ADGRB3: variants seen among roughly 807,000 people sequenced by gnomAD.
The protein encoded by ADGRB3 is brain-specific angiogenesis inhibitor 3.
A neutral mutation model predicts 193.4 loss-of-function variants in ADGRB3; 37 were observed. That is an observed-to-expected ratio of 0.19 (90% CI 0.15 to 0.25). The LOEUF (loss-of-function observed/expected upper bound fraction) is 0.25, where lower values mean the gene tolerates loss of function less well. Ranked by LOEUF, ADGRB3 falls within the 10% of genes least tolerant of loss-of-function variation. The probability of loss-of-function intolerance (pLI) is 1.00; values close to 1 mark genes in which losing one functional copy is unlikely to be tolerated. For missense variants in ADGRB3, 1,637 were observed against 1,852.9 expected (o/e 0.88, Z 2.14); for synonymous variants, 690 against 644.2 (o/e 1.07, Z -1.08).
intron 3 of ADGRB3, among the ~76,000 whole-genome samples, chr6:68,750,953 T>C (rs1766186266): frequency 6.6e-6 from 1 of 152,212 alleles, no homozygotes; most frequent in Non-Finnish European, 1.5e-5. Flanking sequence ...CTTACCTTTT[T>C]TGCCCATCTG....
chr6:69,212,155 C>T lies in ADGRB3; in HGVS notation c.2481-21135C>T, dbSNP rs72911184. On this transcript the variant is annotated intron_variant, in intron 17 of 31. Transcript: ENST00000370598. ...AAGGTTACTGTAACCTCACTTTGAA[C>T]AGTACAGCATTCGAAAAAACATCAA... Among the ~76,000 whole-genome samples, 372 of 152,232 alleles carry T rather than the reference C, an allele frequency of 2.4e-3. 1 individual carries two copies. Among genetic ancestry groups the T allele is most frequent in the Admixed American group, 5.6e-3 (85 of 15,296 alleles).
chr6:69,312,402 A>T (rs1191850557), intron 20 of ADGRB3, among the ~76,000 whole-genome samples: 1 of 151,766 alleles, frequency 6.6e-6, no homozygotes, highest in Non-Finnish European at 1.5e-5. Context: ...GAGGTTGGAT[A>T]GCTCAGAGAT....
chr6:69,052,479 G>A (rs1442658256), intron 15 of ADGRB3, among the ~76,000 whole-genome samples: 1 of 152,142 alleles, frequency 6.6e-6, no homozygotes, highest in African/African-American at 2.4e-5. Context: ...AGCCACGTTT[G>A]TTATACACAG....
intron 6 of ADGRB3, among the ~76,000 whole-genome samples, chr6:68,953,940 ACTGAT>A (rs1412237333): frequency 6.6e-6 from 1 of 152,220 alleles, no homozygotes; most frequent in Non-Finnish European, 1.5e-5. Flanking sequence ...AGAACAATGA[ACTGAT>A]CTTGGAAAAA....
intron 3 of ADGRB3, among the ~76,000 whole-genome samples, chr6:68,747,119 G>A (rs1250243173): frequency 6.6e-6 from 1 of 152,130 alleles, no homozygotes; most frequent in Non-Finnish European, 1.5e-5. Context: ...ATAATCACAT[G>A]TAATGCATGA....
chr6:68,831,324 AAG>A (rs910555453), intron 3 of ADGRB3, among the ~76,000 whole-genome samples: 1 of 141,244 alleles, frequency 7.1e-6, no homozygotes, highest in Non-Finnish European at 1.5e-5. Flanking sequence ...AAAAAAAAAA[AAG>A]CTGATTTTAC....
intron 17 of ADGRB3, among the ~76,000 whole-genome samples, chr6:69,223,551 A>C (rs1342202545): frequency 6.6e-6 from 1 of 151,960 alleles, no homozygotes; most frequent in African/African-American, 2.4e-5. Context: ...CATAATTATA[A>C]TTTCAAAAGT....
At chr6:68,807,330 C>T (rs145624678) in intron 3 of ADGRB3, among the ~76,000 whole-genome samples, 3,967 of 149,204 alleles carry the variant, frequency 0.027, 83 homozygotes, top group African/African-American at 0.051. Flanking sequence ...CTCCGCCCCG[C>T]GGGGTTCACG....
chr6:69,325,176 T>C (rs191437503), intron 21 of ADGRB3, among the ~76,000 whole-genome samples, 154 bp downstream of exon 21: 1 of 152,206 alleles, frequency 6.6e-6, no homozygotes, highest in East Asian at 1.9e-4. Context: ...GAACATTCAT[T>C]GGTCATTTGG....
intron 3 of ADGRB3, among the ~76,000 whole-genome samples, chr6:68,677,226 C>G (rs962405796): frequency 6.6e-6 from 1 of 152,158 alleles, no homozygotes; most frequent in Admixed American, 6.5e-5. Context: ...ACTGAAAGTT[C>G]ATTCTTCATG....
At position 69,054,538 on chromosome 6, in the gene ADGRB3, G is replaced by A. The variant is rs912685892; in HGVS notation, c.2333+5192G>A. Among the ~76,000 whole-genome samples the A allele has an allele frequency of 3.9e-4, 59 of 152,018 alleles. 1 individual carries two copies. Among genetic ancestry groups the A allele is most frequent in the East Asian group, 5.8e-4 (3 of 5,184 alleles). ...CAATGGAATATTCTAGTTTTGTGAC[G>A]TTCTGTACCTTTTTAGAATGTCTTC... On this transcript the variant is annotated intron_variant, in intron 15 of 31. Transcript: ENST00000370598.
intron 26 of ADGRB3, among the ~76,000 whole-genome samples, chr6:69,350,182 C>T (rs897383807): frequency 2.0e-5 from 3 of 152,156 alleles, no homozygotes; most frequent in Non-Finnish European, 4.4e-5. Context: ...TAGAGCAACC[C>T]CCAGCAGGAG....
chr6:68,961,725 C>A (rs1768239348), intron 8 of ADGRB3, among the ~76,000 whole-genome samples: 1 of 152,136 alleles, frequency 6.6e-6, no homozygotes, highest in African/African-American at 2.4e-5. Context: ...ATACACTACT[C>A]CATAATGAAA....
intron 3 of ADGRB3, among the ~76,000 whole-genome samples, chr6:68,825,603 C>T (rs1767828048): frequency 6.6e-6 from 1 of 152,074 alleles, no homozygotes; most frequent in South Asian, 2.1e-4. Context: ...CCTATAATCC[C>T]CATAATCCCT....
intron 11 of ADGRB3, among the ~76,000 whole-genome samples, chr6:69,011,898 C>A (rs539067616): frequency 9.9e-5 from 15 of 152,090 alleles, no homozygotes; most frequent in African/African-American, 3.6e-4. Flanking sequence ...AAAGTCTAAT[C>A]AATAGTGAGA....
intron 13 of ADGRB3, among the ~76,000 whole-genome samples, chr6:69,037,517 G>A (rs1770907980): frequency 6.6e-6 from 1 of 152,106 alleles, no homozygotes; most frequent in African/African-American, 2.4e-5. Flanking sequence ...ATTTTAGAGT[G>A]TGTTTTTCAT....
chr6:68,860,124 C>T (rs1460009064), intron 3 of ADGRB3, among the ~76,000 whole-genome samples: 1 of 152,036 alleles, frequency 6.6e-6, no homozygotes, highest in African/African-American at 2.4e-5. Flanking sequence ...ATTTCTGTAT[C>T]TGCTTCTGTA....
chr6:68,814,084 G>T (rs1269049382), intron 3 of ADGRB3, among the ~76,000 whole-genome samples: 1 of 152,156 alleles, frequency 6.6e-6, no homozygotes, highest in Non-Finnish European at 1.5e-5. Context: ...TAATGGGATG[G>T]CTGGGTCAAA....
At chr6:69,260,835 A>G (rs1246309570) in intron 20 of ADGRB3, among the ~76,000 whole-genome samples, 4 of 152,166 alleles carry the variant, frequency 2.6e-5, no homozygotes, top group African/African-American at 9.7e-5. Flanking sequence ...TTGATGATAC[A>G]TTAATATACT....
Sources: gnomAD v4.1 joint callset for allele counts (sites outside exome capture counted in the v4.1 genomes callset) on GRCh38, gnomAD v4.1.1 for gene constraint, MANE v1.5 for transcripts, NCBI Gene and HGNC (gene_info 2026-07-23, HGNC 2026-07-21) for gene names.